MAP4K4: variants seen among roughly 807,000 people sequenced by gnomAD.
MAP4K4 encodes HPK/GCK-like kinase HGK.
MAP4K4 carries 38 observed loss-of-function variants against 189.6 expected under a neutral mutation model. The ratio of observed to expected loss-of-function variants is 0.20; its 90% confidence interval spans 0.15 to 0.26. The LOEUF is 0.26. Among genes scored for constraint, MAP4K4 ranks in the 10% least tolerant of loss-of-function variants. The pLI is 1.00. For missense variants in MAP4K4, 1,054 were observed against 1,726.9 expected (o/e 0.61, Z 6.91); for synonymous variants, 610 against 624.3 (o/e 0.98, Z 0.34).
chr2:101,771,915 T>C (rs2081640134), intron 2 of MAP4K4, among the ~76,000 whole-genome samples: 1 of 152,184 alleles, frequency 6.6e-6, no homozygotes, highest in Admixed American at 6.5e-5. Context: ...GCTTGATGAC[T>C]GGTGATTGAT....
chr2:101,807,648 G>A (rs1234012446), intron 3 of MAP4K4, among the ~76,000 whole-genome samples: 1 of 152,184 alleles, frequency 6.6e-6, no homozygotes, highest in African/African-American at 2.4e-5. Flanking sequence ...TACAGGATGT[G>A]CAGGAAACAT....
At position 101,858,987 on chromosome 2, in the gene MAP4K4, G is replaced by C. The variant is rs1176044707; in HGVS notation, c.1396-9G>C. 6.2e-7 allele frequency: 1 copy of C among 1,602,848 alleles called. No homozygotes were observed. The highest frequency in any genetic ancestry group is 1.1e-5 in the South Asian group (1 of 89,426). ...ATAATTTGATTGCTGGGTGATTTCT[G>C]TGTGACAGGAGTATATCAGGCGACA... On this transcript the variant is annotated splice_polypyrimidine_tract_variant and intron_variant, in intron 13 of 32. Transcript: ENST00000324219.
At chr2:101,878,961 A>T (rs949143967) in intron 27 of MAP4K4, among the ~76,000 whole-genome samples, 2 of 152,060 alleles carry the variant, frequency 1.3e-5, no homozygotes, top group Admixed American at 6.6e-5. Context: ...GTGCTGATGG[A>T]TGGTAGTTTT....
chr2:101,830,129 C>G (rs2096551268), intron 6 of MAP4K4, among the ~76,000 whole-genome samples: 2 of 152,004 alleles, frequency 1.3e-5, no homozygotes, highest in Admixed American at 1.3e-4. Flanking sequence ...CCTTTTCCAA[C>G]CTCTAATCTG....
chr2:101,709,367 T>A (rs576590185), intron 2 of MAP4K4, among the ~76,000 whole-genome samples: 7 of 152,302 alleles, frequency 4.6e-5, no homozygotes, highest in African/African-American at 1.7e-4. Flanking sequence ...CACGCCCAGC[T>A]AATTTTTGCA....
intron 2 of MAP4K4, among the ~76,000 whole-genome samples, chr2:101,707,536 A>C (rs926341040): frequency 6.6e-6 from 1 of 151,616 alleles, no homozygotes; most frequent in South Asian, 2.1e-4. Flanking sequence ...CTTTTGAGAC[A>C]GAGTTTTGCT....
intron 3 of MAP4K4, among the ~76,000 whole-genome samples, chr2:101,815,949 G>A (rs925657272): frequency 1.3e-5 from 2 of 152,188 alleles, no homozygotes; most frequent in African/African-American, 2.4e-5. Context: ...CTTCTAGGGG[G>A]AATTGCTTGC....
chr2:101,760,046 A>G (rs2075507373), intron 2 of MAP4K4, among the ~76,000 whole-genome samples: 2 of 151,760 alleles, frequency 1.3e-5, no homozygotes, highest in African/African-American at 4.8e-5. Context: ...GGGTTTCACT[A>G]TGTTGGCCAG....
At chr2:101,760,226 C>T (rs566073591) in intron 2 of MAP4K4, among the ~76,000 whole-genome samples, 4 of 151,666 alleles carry the variant, frequency 2.6e-5, no homozygotes, top group Non-Finnish European at 5.9e-5. Flanking sequence ...TGTGGGGGCT[C>T]ACCCCTGTAA....
intron 3 of MAP4K4, among the ~76,000 whole-genome samples, chr2:101,794,805 C>CATTTTT (rs535223366): frequency 0.02 from 3,040 of 152,116 alleles, 52 homozygotes; most frequent in Non-Finnish European, 0.032. Flanking sequence ...TTCCTGCCTC[C>CATTTTT]ATTTTTATTT....
At chr2:101,778,843 G>A (rs929188590) in intron 2 of MAP4K4, among the ~76,000 whole-genome samples, 4 of 152,062 alleles carry the variant, frequency 2.6e-5, no homozygotes, top group African/African-American at 9.7e-5. Flanking sequence ...CTCTGTGGCC[G>A]GTAAGGAAAA....
intron 2 of MAP4K4, among the ~76,000 whole-genome samples, chr2:101,735,711 T>C (rs2149670210): frequency 6.6e-6 from 1 of 152,108 alleles, no homozygotes; most frequent in African/African-American, 2.4e-5. Context: ...ACTCCAGTAA[T>C]AGTAGGGTGG....
At chr2:101,759,540 C>T (rs1358173377) in intron 2 of MAP4K4, among the ~76,000 whole-genome samples, 1 of 34,746 alleles carries the variant, frequency 2.9e-5, no homozygotes, top group African/African-American at 1.7e-4. Context: ...CTCCCCATTC[C>T]ACTCCCCTCC....
exon 16 of MAP4K4, chr2:101,860,927 T>G: frequency 6.2e-7 from 1 of 1,606,860 alleles, no homozygotes; most frequent in Non-Finnish European, 8.5e-7. Flanking sequence ...ATCAGAGTCT[T>G]TTTCCAATGG....
At chr2:101,758,318 G>C (rs1274257274) in intron 2 of MAP4K4, among the ~76,000 whole-genome samples, 12 of 152,258 alleles carry the variant, frequency 7.9e-5, no homozygotes, top group African/African-American at 2.6e-4. Flanking sequence ...TGCTACAGAA[G>C]GATTTAAGGA....
intron 27 of MAP4K4, among the ~76,000 whole-genome samples, chr2:101,877,477 T>A (rs748332931): frequency 1.5e-3 from 144 of 96,254 alleles, no homozygotes; most frequent in Admixed American, 7.0e-3. Context: ...TCCACCAGAC[T>A]TTTTTTTTTT....
At chr2:101,797,763 T>G (rs1386926788) in intron 3 of MAP4K4, among the ~76,000 whole-genome samples, 1 of 152,060 alleles carries the variant, frequency 6.6e-6, no homozygotes. Context: ...TTGATTTATT[T>G]TAACAAGTAT....
intron 2 of MAP4K4, among the ~76,000 whole-genome samples, chr2:101,783,917 T>C (rs2089182396): frequency 6.6e-6 from 1 of 152,246 alleles, no homozygotes; most frequent in Admixed American, 6.5e-5. Context: ...GACATGGTTT[T>C]GTGACACAGC....
intron 2 of MAP4K4, among the ~76,000 whole-genome samples, chr2:101,736,246 G>A (rs188699748): frequency 1.8e-4 from 27 of 152,260 alleles, no homozygotes; most frequent in African/African-American, 6.3e-4. Flanking sequence ...TTCAGTGGTT[G>A]CCCATTGCTG....
Sources: gnomAD v4.1 joint callset for allele counts (sites outside exome capture counted in the v4.1 genomes callset) on GRCh38, gnomAD v4.1.1 for gene constraint, MANE v1.5 for transcripts, NCBI Gene and HGNC (gene_info 2026-07-23, HGNC 2026-07-21) for gene names.